The following SCAI variants were observed in gnomAD, a reference collection of about 807,000 sequenced individuals.
The protein encoded by SCAI is protein SCAI.
A neutral mutation model predicts 92.2 loss-of-function variants in SCAI; 24 were observed. The observed-to-expected ratio is 0.26, with a 90% confidence interval of 0.19 to 0.37. The LOEUF (loss-of-function observed/expected upper bound fraction) is 0.37, where lower values mean the gene tolerates loss of function less well. Ranked by LOEUF, SCAI falls within the 10% of genes least tolerant of loss-of-function variation. SCAI has a pLI of 1.00. For missense variants in SCAI, 450 were observed against 736.2 expected (o/e 0.61, Z 4.50); for synonymous variants, 261 against 258.6 (o/e 1.01, Z -0.09).
chr9:125,058,337 A>C (rs1833711571), intron 2 of SCAI, among the ~76,000 whole-genome samples: 1 of 151,892 alleles, frequency 6.6e-6, no homozygotes, highest in Non-Finnish European at 1.5e-5. Context: ...AACATGGTGA[A>C]ACCCATCTCC....
rs1166632477 is a variant in SCAI, at chr9:124,950,963, T to A, written c.*1844A>T. 7.3e-6 allele frequency: 1 copy of A among 137,526 alleles called. No homozygotes were observed. The highest frequency in any genetic ancestry group is 1.6e-5 in the Non-Finnish European group (1 of 63,448). The allele number at this position is 137,526 out of a possible 1,614,324, so 8.5% of individuals were successfully genotyped here. On this transcript the variant is annotated 3_prime_UTR_variant, in exon 18 of 18. Coordinates refer to ENST00000336505, the MANE Select transcript of SCAI (RefSeq NM_001144877.3). Reference sequence around the variant, plus strand: ...GTCCCAGCTACTTGGGAGGCTGAGGTGAGAAGATTGCCTGAATCCAGGAAT... The same window carrying A: ...GTCCCAGCTACTTGGGAGGCTGAGGAGAGAAGATTGCCTGAATCCAGGAAT...
chr9:125,072,913 T>C (rs997718052), intron 2 of SCAI, among the ~76,000 whole-genome samples: 1 of 152,158 alleles, frequency 6.6e-6, no homozygotes, highest in Non-Finnish European at 1.5e-5. Context: ...TTATATACCA[T>C]ATTTTGCTTC....
chr9:125,099,437 G>T (rs1197850631), intron 2 of SCAI, among the ~76,000 whole-genome samples: 1 of 152,066 alleles, frequency 6.6e-6, no homozygotes, highest in African/African-American at 2.4e-5. Context: ...GCGCTACCAT[G>T]CCTGGCTAAT....
At chr9:125,112,057 G>C (rs1453607409) in intron 2 of SCAI, among the ~76,000 whole-genome samples, 2 of 152,104 alleles carry the variant, frequency 1.3e-5, no homozygotes, top group Non-Finnish European at 2.9e-5. Context: ...TGGAAGCCTG[G>C]AACTCACACA....
At chr9:125,120,586 G>T (rs137918082) in intron 2 of SCAI, among the ~76,000 whole-genome samples, 1 of 152,020 alleles carries the variant, frequency 6.6e-6, no homozygotes, top group African/African-American at 2.4e-5. Context: ...CCAGCTACTC[G>T]GGAGGCTGAG....
chr9:125,131,652 C>T lies in SCAI; in HGVS notation c.98+10981G>A, dbSNP rs539855867. ...GAAAATGCTGCATACACTGACCATG[C>T]TATCTTGGCCCTGCAGAGTCTGCTT... On this transcript the variant is annotated intron_variant, in intron 2 of 17. Transcript: ENST00000336505. 5.3e-5 allele frequency among the ~76,000 whole-genome samples: 8 copies of T among 152,196 alleles called. No individual in the cohort carries two copies. The East Asian group carries it at 1.5e-3, about 29-fold the overall frequency.
At chr9:125,096,166 G>A (rs537465461) in intron 2 of SCAI, among the ~76,000 whole-genome samples, 1 of 152,316 alleles carries the variant, frequency 6.6e-6, no homozygotes, top group South Asian at 2.1e-4. Flanking sequence ...TAATGGGGGT[G>A]CCTCATAATC....
At chr9:125,017,956 C>A (rs1211369773) in intron 9 of SCAI, among the ~76,000 whole-genome samples, 1 of 151,524 alleles carries the variant, frequency 6.6e-6, no homozygotes, top group Non-Finnish European at 1.5e-5. Flanking sequence ...TTGCAGTGAG[C>A]CAAAATCATG....
At position 124,952,712 on chromosome 9, in the gene SCAI, T is replaced by G. The variant is rs1831250168; in HGVS notation, c.*95A>C. On this transcript the variant is annotated 3_prime_UTR_variant, in exon 18 of 18. Coordinates refer to ENST00000336505, the MANE Select transcript of SCAI (RefSeq NM_001144877.3). ...TGGCCCTAAATTAAAAAATAAAAAC[T>G]AAGTAACACCACTATGTGTCTTATC... 2.1e-6 allele frequency: 2 copies of G among 945,260 alleles called. No individual in the cohort carries two copies. Among genetic ancestry groups the G allele is most frequent in the African/African-American group, 1.7e-5 (1 of 59,134 alleles). 58.6% of individuals were successfully genotyped at this position (945,260 alleles called of 1,614,324 possible).
chr9:125,043,666 G>C (rs769089764), intron 3 of SCAI, among the ~76,000 whole-genome samples: 2 of 152,154 alleles, frequency 1.3e-5, no homozygotes, highest in Non-Finnish European at 2.9e-5. Flanking sequence ...TGTTGTCCAA[G>C]CTGGAGTACA....
At chr9:125,061,094 G>A (rs762999800) in intron 2 of SCAI, among the ~76,000 whole-genome samples, 7 of 151,626 alleles carry the variant, frequency 4.6e-5, no homozygotes, top group South Asian at 2.1e-4. Context: ...TCAGGAGATC[G>A]AGACCATCGT....
chr9:125,025,765 T>C (rs1015932340), intron 6 of SCAI, among the ~76,000 whole-genome samples: 5 of 152,232 alleles, frequency 3.3e-5, no homozygotes, highest in African/African-American at 1.2e-4. Context: ...GAACAAGACA[T>C]GCAAGGAAAT....
chr9:125,040,920 CA>C (rs1257076829), intron 3 of SCAI, among the ~76,000 whole-genome samples: 2 of 152,068 alleles, frequency 1.3e-5, no homozygotes, highest in Non-Finnish European at 2.9e-5. Context: ...AGGTGTGAGC[CA>C]CCGCACCCGG....
At chr9:124,964,609 C>T (rs1393646294) in intron 17 of SCAI, among the ~76,000 whole-genome samples, 1 of 152,144 alleles carries the variant, frequency 6.6e-6, no homozygotes, top group Non-Finnish European at 1.5e-5. Context: ...CCTTAGGACC[C>T]CCCATCTAGA....
chr9:124,942,672 CA>C lies in SCAI; in HGVS notation c.*10134del, dbSNP rs751648988. 3 of 152,176 alleles carry C rather than the reference CA, an allele frequency of 2.0e-5. No individual in the cohort carries two copies. Among genetic ancestry groups the C allele is most frequent in the Non-Finnish European group, 4.4e-5 (3 of 68,026 alleles). 9.4% of individuals were successfully genotyped at this position (152,176 alleles called of 1,614,324 possible). ...TTAATATATATGTGGATTCAAGGTA[CA>C]AAATTCATGTACAAGAGTTCACACC... On this transcript the variant is annotated 3_prime_UTR_variant, in exon 18 of 18. Coordinates refer to ENST00000336505, the MANE Select transcript of SCAI (RefSeq NM_001144877.3).
rs1833113703 is a variant in SCAI, at chr9:125,033,012, TAGAC to T, written c.231-3277_231-3274del. 1.3e-5 allele frequency among the ~76,000 whole-genome samples: 2 copies of T among 152,176 alleles called. 1 individual carries two copies. Among genetic ancestry groups the T allele is most frequent in the Non-Finnish European group, 2.9e-5 (2 of 68,034 alleles). ...CAATTAATAGGATTATTGGTTGTAA[TAGAC>T]AGAAAATATGATCACATATGTAGAA... On this transcript the variant is annotated intron_variant, in intron 3 of 17. Transcript: ENST00000336505.
rs530001286 is a variant in SCAI at position 125,129,310 on chromosome 9, G to A, written c.98+13323C>T. Among the ~76,000 whole-genome samples, 56 of 150,410 alleles carry A rather than the reference G, an allele frequency of 3.7e-4. No homozygotes were observed. In the East Asian group the frequency reaches 0.011, roughly 30 times the overall value. On this transcript the variant is annotated intron_variant, in intron 2 of 17. Transcript: ENST00000336505. ...ACAAAAGTTAGCCAGGAGTGGTGGT[G>A]CACGCCTGTAATCCTAACTACTCAG...
intron 2 of SCAI, among the ~76,000 whole-genome samples, chr9:125,117,917 A>G (rs762799815): frequency 6.6e-6 from 1 of 152,146 alleles, no homozygotes; most frequent in African/African-American, 2.4e-5. Context: ...CTTTGGGTCA[A>G]TCACTTTAAT....
At chr9:125,026,109 G>A (rs570530194) in intron 6 of SCAI, among the ~76,000 whole-genome samples, 363 of 152,242 alleles carry the variant, frequency 2.4e-3, no homozygotes, top group Non-Finnish European at 3.7e-3. Context: ...GGTGGCTCAC[G>A]CCTGTAATCC....
Sources: gnomAD v4.1 joint callset for allele counts (sites outside exome capture counted in the v4.1 genomes callset) on GRCh38, gnomAD v4.1.1 for gene constraint, MANE v1.5 for transcripts, NCBI Gene and HGNC (gene_info 2026-07-23, HGNC 2026-07-21) for gene names.